Variants in C10orf90 observed in about 807,000 individuals in gnomAD.
C10orf90 encodes the protein (E2-independent) E3 ubiquitin-conjugating enzyme FATS.
A neutral mutation model predicts 62.5 loss-of-function variants in C10orf90; 56 were observed. The ratio of observed to expected loss-of-function variants is 0.90; its 90% confidence interval spans 0.72 to 1.12. The LOEUF is 1.12. Ranked by LOEUF, C10orf90 falls within the 50% of genes most tolerant of loss-of-function variation. The pLI, the probability that C10orf90 is intolerant of heterozygous loss-of-function variation, is 0.00. For synonymous variants in C10orf90, 386 were observed against 340.4 expected, an observed-to-expected ratio of 1.13 and a Z score of -1.47; for missense variants, 970 against 880.4, an observed-to-expected ratio of 1.10 and a Z score of -1.29.
chr10:126,627,622 A>G (rs372428646), intron 2 of C10orf90, among the ~76,000 whole-genome samples: 1 of 152,284 alleles, frequency 6.6e-6, no homozygotes, highest in African/African-American at 2.4e-5. Context: ...ACTCACTGCT[A>G]GTTCATTTCT....
chr10:126,474,462 G>C (rs1392081890), intron 4 of C10orf90, among the ~76,000 whole-genome samples: 2 of 152,158 alleles, frequency 1.3e-5, no homozygotes, highest in Non-Finnish European at 2.9e-5. Flanking sequence ...CTTCTTTCCT[G>C]TCCTTCAACT....
chr10:126,614,479 C>G (rs1845500722), intron 2 of C10orf90, among the ~76,000 whole-genome samples: 1 of 152,152 alleles, frequency 6.6e-6, no homozygotes, highest in Non-Finnish European at 1.5e-5. Context: ...ACCTTCTGCT[C>G]AATCCTGAAG....
chr10:126,521,256 A>C, intron 2 of C10orf90: 2 of 1,602,118 alleles, frequency 1.2e-6, no homozygotes, highest in Non-Finnish European at 1.7e-6. Context: ...ATTACTTTAT[A>C]TTTTAATAAG....
At chr10:126,530,249 T>C (rs1864059292) in intron 2 of C10orf90, among the ~76,000 whole-genome samples, 3 of 151,118 alleles carry the variant, frequency 2.0e-5, no homozygotes, top group African/African-American at 7.3e-5. Flanking sequence ...AAAATAAGAA[T>C]GGAAACAGAA....
chr10:126,504,987 G>C lies in C10orf90; in HGVS notation c.504C>G (p.Pro168=). The change falls in exon 4 of 10, where the codon CCC becomes CCG. Residue 168 remains proline, a synonymous_variant. Coordinates refer to ENST00000488181, the MANE Select transcript of C10orf90 (RefSeq NM_001350921.2). The surrounding 1 kb of genome is among the most constrained non-coding windows in gnomAD (Gnocchi z 4.1). ...NKSRENRASL[P]LPCAIAQSRA... is the part of the protein sequence containing the mutation. ...GAGACTGAGCAATGGCACACGGTAG[G>C]GGCAAGGAGGCCCTGTTTTCTCTTG... 1 of 1,614,232 alleles carries C rather than the reference G, an allele frequency of 6.2e-7. No homozygotes were observed. Among genetic ancestry groups the C allele is most frequent in the Non-Finnish European group, 8.5e-7 (1 of 1,180,036 alleles).
intron 2 of C10orf90, among the ~76,000 whole-genome samples, chr10:126,527,462 C>T (rs1203806389): frequency 3.9e-5 from 6 of 152,120 alleles, no homozygotes; most frequent in Non-Finnish European, 7.3e-5. Flanking sequence ...GCCTCCCTAC[C>T]CCTGCCAATG....
intron 1 of C10orf90, among the ~76,000 whole-genome samples, chr10:126,667,587 A>G (rs1466877180): frequency 1.3e-5 from 2 of 152,194 alleles, no homozygotes; most frequent in African/African-American, 2.4e-5. Flanking sequence ...AGGTCTCCAC[A>G]ATCAATCAGG....
intron 2 of C10orf90, among the ~76,000 whole-genome samples, chr10:126,531,874 A>C (rs1162851699): frequency 6.6e-6 from 1 of 152,240 alleles, no homozygotes; most frequent in African/African-American, 2.4e-5. Flanking sequence ...TTTGCAAGCC[A>C]TATTTCTGAC....
chr10:126,636,935 T>C (rs1432188617), intron 2 of C10orf90, among the ~76,000 whole-genome samples: 1 of 152,078 alleles, frequency 6.6e-6, no homozygotes, highest in African/African-American at 2.4e-5. Flanking sequence ...GTTTTCCTGA[T>C]AACATACAGC....
intron 2 of C10orf90, among the ~76,000 whole-genome samples, chr10:126,577,100 G>T (rs1591114697): frequency 6.6e-6 from 1 of 151,768 alleles, no homozygotes; most frequent in African/African-American, 2.4e-5. Flanking sequence ...GATGACTATA[G>T]TTAACAGTAA....
chr10:126,469,330 G>T (rs2133758754), intron 4 of C10orf90, among the ~76,000 whole-genome samples: 1 of 152,318 alleles, frequency 6.6e-6, no homozygotes, highest in African/African-American at 2.4e-5. Context: ...GGGAAAGATT[G>T]TCTCTGAGGT....
At chr10:126,588,845 G>A (rs546370909) in intron 2 of C10orf90, among the ~76,000 whole-genome samples, 27 of 152,244 alleles carry the variant, frequency 1.8e-4, no homozygotes, top group African/African-American at 6.5e-4. Context: ...ACAGAAATGG[G>A]CTGAAACAGA....
At chr10:126,515,568 G>A (rs565636357) in intron 2 of C10orf90, among the ~76,000 whole-genome samples, 1 of 152,186 alleles carries the variant, frequency 6.6e-6, no homozygotes, top group Admixed American at 6.5e-5. Flanking sequence ...CCGCCTAGGT[G>A]CATAGGAGGC....
intron 2 of C10orf90, among the ~76,000 whole-genome samples, chr10:126,597,969 A>G (rs1435945074): frequency 2.0e-5 from 3 of 152,180 alleles, no homozygotes; most frequent in East Asian, 1.9e-4. Context: ...TCTACCAGCT[A>G]TGAATATACC....
At chr10:126,519,351 C>T (rs749153127) in intron 2 of C10orf90, among the ~76,000 whole-genome samples, 5 of 152,134 alleles carry the variant, frequency 3.3e-5, no homozygotes, top group South Asian at 2.1e-4. Flanking sequence ...TGCCCAATAC[C>T]GCTTGGCTTA....
At chr10:126,625,828 A>C (rs1484292683) in intron 2 of C10orf90, among the ~76,000 whole-genome samples, 1 of 152,138 alleles carries the variant, frequency 6.6e-6, no homozygotes, top group Non-Finnish European at 1.5e-5. Context: ...AAATGTGGGC[A>C]GGTGGGCTGG....
At chr10:126,573,273 G>T (rs1173028552) in intron 2 of C10orf90, among the ~76,000 whole-genome samples, 1 of 152,184 alleles carries the variant, frequency 6.6e-6, no homozygotes, top group East Asian at 1.9e-4. Flanking sequence ...GAACAGGACA[G>T]GGATTTTCAC....
rs1248359912 is a variant in C10orf90 at position 126,626,406 on chromosome 10, C to T, written c.313+20159G>A. Among the ~76,000 whole-genome samples the T allele has an allele frequency of 2.6e-5, 4 of 152,154 alleles. No individual in the cohort carries two copies. The South Asian group carries it at 6.2e-4, about 24-fold the overall frequency. Reference sequence around the variant, plus strand: ...CTGATGAGGAGTGAGGGAAAGACGTCGCCTGGCTGGTGAATGCTGAGTACA... The same window carrying T: ...CTGATGAGGAGTGAGGGAAAGACGTTGCCTGGCTGGTGAATGCTGAGTACA... On this transcript the variant is annotated intron_variant, in intron 2 of 9. Transcript: ENST00000488181.
intron 2 of C10orf90, among the ~76,000 whole-genome samples, chr10:126,583,054 A>C (rs1004219063): frequency 1.3e-5 from 2 of 152,072 alleles, no homozygotes; most frequent in African/African-American, 4.8e-5. Flanking sequence ...AGCATCCCTA[A>C]CCTCTACTCG....
Sources: allele counts gnomAD v4.1 joint callset (sites outside exome capture counted in the v4.1 genomes callset), GRCh38; gene constraint gnomAD v4.1.1; non-coding constraint Gnocchi (gnomAD v3.1); transcripts MANE v1.5; gene names NCBI Gene and HGNC (gene_info 2026-07-23, HGNC 2026-07-21).